NTRK3: variants seen among roughly 807,000 people sequenced by gnomAD.
NTRK3 encodes the protein neurotrophic receptor tyrosine kinase 3.
A neutral mutation model predicts 91.7 loss-of-function variants in NTRK3; 24 were observed. The ratio of observed to expected loss-of-function variants is 0.26; its 90% CI spans 0.19 to 0.37. The LOEUF (loss-of-function observed/expected upper bound fraction) is 0.37, where lower values mean the gene tolerates loss of function less well. Ranked by LOEUF, NTRK3 falls within the 10% of genes least tolerant of loss-of-function variation. NTRK3 has a pLI of 1.00. For synonymous variants in NTRK3, 483 were observed against 404.0 expected, an observed-to-expected ratio of 1.20 and a Z score of -2.34; for missense variants, 880 against 1,068.9, an observed-to-expected ratio of 0.82 and a Z score of 2.46.
chr15:87,889,582 T>C (rs1352882596), intron 17 of NTRK3, among the ~76,000 whole-genome samples: 1 of 151,910 alleles, frequency 6.6e-6, no homozygotes, highest in Non-Finnish European at 1.5e-5. Context: ...TTAGTTTCCA[T>C]ATTGTCTATG....
At chr15:88,049,792 G>C (rs2080629618) in intron 13 of NTRK3, among the ~76,000 whole-genome samples, 1 of 152,202 alleles carries the variant, frequency 6.6e-6, no homozygotes. Flanking sequence ...TTGAAAGAGA[G>C]GTTGGGAGCA....
At chr15:88,249,734 C>T (rs535941281) in intron 3 of NTRK3, among the ~76,000 whole-genome samples, 1 of 152,248 alleles carries the variant, frequency 6.6e-6, no homozygotes, top group East Asian at 1.9e-4. Context: ...TGACCCAACC[C>T]ATCAACGAGC....
intron 14 of NTRK3, among the ~76,000 whole-genome samples, chr15:87,987,050 C>T (rs1003516450): frequency 5.3e-5 from 8 of 152,248 alleles, no homozygotes; most frequent in African/African-American, 1.9e-4. Context: ...GGACAAGCAG[C>T]ATCAGCATCA....
intron 4 of NTRK3, 145 bp from the exon 5 acceptor site, chr15:88,183,634 A>G: frequency 1.2e-6 from 1 of 812,478 alleles, no homozygotes; most frequent in Non-Finnish European, 2.1e-6. Flanking sequence ...CAGTTATCAC[A>G]GGTGGCCTGC....
chr15:87,882,132 G>C (rs1359891808), intron 17 of NTRK3, among the ~76,000 whole-genome samples: 1 of 152,080 alleles, frequency 6.6e-6, no homozygotes, highest in African/African-American at 2.4e-5. Flanking sequence ...CTGACCACAA[G>C]TTATACACCC....
intron 17 of NTRK3, among the ~76,000 whole-genome samples, chr15:87,914,858 G>A (rs2067333928): frequency 6.6e-6 from 1 of 152,222 alleles, no homozygotes; most frequent in Non-Finnish European, 1.5e-5. Context: ...CAGAGTTGGA[G>A]AGCTGGAGTA....
chr15:87,936,867 G>A (rs1173823076), intron 15 of NTRK3, among the ~76,000 whole-genome samples: 1 of 152,092 alleles, frequency 6.6e-6, no homozygotes, highest in Non-Finnish European at 1.5e-5. Context: ...GCTTAAAACT[G>A]GCCATTGGCT....
At chr15:88,010,748 CCACACACA>C (rs10623073) in intron 14 of NTRK3, among the ~76,000 whole-genome samples, 2 of 149,074 alleles carry the variant, frequency 1.3e-5, no homozygotes, top group Non-Finnish European at 3.0e-5. Context: ...ACACACACAC[CCACACACA>C]CACACACACA....
intron 18 of NTRK3, among the ~76,000 whole-genome samples, chr15:87,878,896 G>A (rs1286371039): frequency 6.8e-6 from 1 of 146,198 alleles, no homozygotes; most frequent in African/African-American, 2.6e-5. Context: ...CAGTGTTCAG[G>A]TGCATGCATG....
At chr15:87,932,931 G>T in intron 16 of NTRK3, 81 bp downstream of exon 16, 1 of 1,399,962 alleles carries the variant, frequency 7.1e-7, no homozygotes, top group Non-Finnish European at 1.0e-6. Context: ...AGAGGGGGTA[G>T]TATAATTTCT....
chr15:87,949,196 T>C (rs1477533996), intron 14 of NTRK3, among the ~76,000 whole-genome samples: 2 of 149,436 alleles, frequency 1.3e-5, no homozygotes, highest in Non-Finnish European at 3.0e-5. Flanking sequence ...GAAAGATGAG[T>C]GAGAATGGGA....
chr15:88,094,439 G>T (rs888398032), intron 13 of NTRK3, among the ~76,000 whole-genome samples: 128 of 131,354 alleles, frequency 9.7e-4, no homozygotes, highest in African/African-American at 3.6e-3. Context: ...ACTGCAGTCC[G>T]CAGTCCCGAC....
chr15:88,007,610 T>C (rs1286325040), intron 14 of NTRK3, among the ~76,000 whole-genome samples: 1 of 152,194 alleles, frequency 6.6e-6, no homozygotes. Flanking sequence ...TTGGACTTGT[T>C]GAGAAACAAG....
At chr15:88,160,549 G>C (rs569049860) in intron 5 of NTRK3, among the ~76,000 whole-genome samples, 1 of 152,154 alleles carries the variant, frequency 6.6e-6, no homozygotes, top group Non-Finnish European at 1.5e-5. Context: ...TAGATCCTGC[G>C]CATGTAAAAA....
intron 17 of NTRK3, among the ~76,000 whole-genome samples, chr15:87,911,759 TGAG>T (rs2067098723): frequency 6.6e-6 from 1 of 152,216 alleles, no homozygotes; most frequent in African/African-American, 2.4e-5. Flanking sequence ...AGTCATTCGC[TGAG>T]AAGAACACCT....
chr15:88,132,395 T>C (rs1387993157), intron 10 of NTRK3, among the ~76,000 whole-genome samples: 1 of 152,178 alleles, frequency 6.6e-6, no homozygotes. Flanking sequence ...ATTTCATGGA[T>C]ACAGAAATAG....
At chr15:88,075,866 C>T (rs1408897404) in intron 13 of NTRK3, among the ~76,000 whole-genome samples, 4 of 152,160 alleles carry the variant, frequency 2.6e-5, no homozygotes, top group African/African-American at 7.2e-5. Context: ...ATTCAGCTTC[C>T]TTGGGCTTCA....
intron 5 of NTRK3, among the ~76,000 whole-genome samples, chr15:88,160,079 G>T (rs780853426): frequency 3.9e-5 from 6 of 152,082 alleles, no homozygotes; most frequent in Admixed American, 1.3e-4. Flanking sequence ...AGGGTCCCGG[G>T]ATGAGTGGAG....
Position 88,129,981 on chromosome 15 carries a change from A to T in NTRK3, c.1205-1247T>A, listed in dbSNP as rs2053647926. 3.9e-5 allele frequency among the ~76,000 whole-genome samples: 6 copies of T among 152,206 alleles called. 1 individual carries two copies. Among genetic ancestry groups the T allele is most frequent in the Admixed American group, 3.9e-4 (6 of 15,284 alleles). On this transcript the variant is annotated intron_variant, in intron 10 of 18. Coordinates refer to ENST00000394480, the Ensembl canonical transcript of NTRK3. ...TAAGAGGAAATTTGAACGTCAACAC[A>T]CACGCACAGAGGGAAAATCACATGA...
Sources: gnomAD v4.1 joint callset for allele counts (sites outside exome capture counted in the v4.1 genomes callset) on GRCh38, gnomAD v4.1.1 for gene constraint, MANE v1.5 for transcripts, NCBI Gene and HGNC (gene_info 2026-07-23, HGNC 2026-07-21) for gene names.